The following CTCFL variants were observed in gnomAD, a reference collection of about 807,000 sequenced individuals.
The protein encoded by CTCFL is CCCTC-binding factor like, also known as transcriptional repressor CTCFL.
A neutral mutation model predicts 67.4 loss-of-function variants in CTCFL; 36 were observed. The observed-to-expected ratio is 0.53, with a 90% CI of 0.41 to 0.71. The LOEUF is 0.71. Ranked by LOEUF, CTCFL falls within the 30% of genes least tolerant of loss-of-function variation. The pLI is 0.00. For synonymous variants in CTCFL, 324 were observed against 302.3 expected, an observed-to-expected ratio of 1.07 and a Z score of -0.75; for missense variants, 786 against 835.2, an observed-to-expected ratio of 0.94 and a Z score of 0.73.
chr20:57,512,623 T>C lies in CTCFL; in HGVS notation c.1460A>G (p.Lys487Arg), dbSNP rs775533145. Reference sequence around the variant, plus strand: ...GCAGGCATAACTGCAGTGTTTGCACTTGAACCTCTTCTCATTCTTATGAGT... The same window carrying C: ...GCAGGCATAACTGCAGTGTTTGCACCTGAACCTCTTCTCATTCTTATGAGT... ...QKTHKNEKRF[K>R]CKHCSYACKQ... is the part of the protein sequence containing the mutation. Residue 487 changes from lysine (K) to arginine (R), a missense_variant, in exon 8 of 11, where the codon AAG (lysine) becomes AGG (arginine). By Grantham distance (26) the Lys-to-Arg change is conservative. This residue lies in a region of CTCFL where 254 missense variants were observed against 333.9 expected (regional missense o/e 0.76). Transcript: ENST00000243914. 6.2e-7 allele frequency: 1 copy of C among 1,614,246 alleles called. No individual in the cohort carries two copies. Among genetic ancestry groups the C allele is most frequent in the Non-Finnish European group, 8.5e-7 (1 of 1,180,042 alleles).
chr20:57,523,187 CTTCT>C lies in CTCFL; in HGVS notation c.631_634del (p.Arg211ValfsTer65). ...TGAAACTGTGAGAACAATTTCGTCACTTCTTTCATCTCCTGACATTGTTTCCACA... is the reference window on the plus strand; with the variant it reads ...TGAAACTGTGAGAACAATTTCGTCACTTCATCTCCTGACATTGTTTCCACA... On this transcript the variant is annotated frameshift_variant, in exon 3 of 11. Coordinates refer to ENST00000243914, the MANE Select transcript of CTCFL (RefSeq NM_001386993.1). LOFTEE classifies it high-confidence loss of function. 6.2e-7 allele frequency: 1 copy of C among 1,614,056 alleles called. No homozygotes were observed. The highest frequency in any genetic ancestry group is 8.5e-7 in the Non-Finnish European group (1 of 1,180,004).
rs144773408 is a variant in CTCFL at position 57,521,282 on chromosome 20, C to T, written c.754+1786G>A. On this transcript the variant is annotated intron_variant, in intron 3 of 10. Coordinates refer to ENST00000243914, the MANE Select transcript of CTCFL (RefSeq NM_001386993.1). ...ATAGCCATTTTTTCCAAAGAAGATACGTAAGTGACCAATGAAAACATGAGG... is the reference window on the plus strand; with the variant it reads ...ATAGCCATTTTTTCCAAAGAAGATATGTAAGTGACCAATGAAAACATGAGG... Among the ~76,000 whole-genome samples, 447 of 152,256 alleles carry T rather than the reference C, an allele frequency of 2.9e-3. 2 individuals carry two copies. Among genetic ancestry groups the T allele is most frequent in the African/African-American group, 0.01 (419 of 41,532 alleles).
At chr20:57,501,100 T>A (rs1036939750) in intron 10 of CTCFL, among the ~76,000 whole-genome samples, 1 of 152,310 alleles carries the variant, frequency 6.6e-6, no homozygotes. Context: ...GTGCTTACTA[T>A]TCACTCGTTT....
At chr20:57,508,126 G>A (rs1190576562) in intron 9 of CTCFL, among the ~76,000 whole-genome samples, 1 of 151,772 alleles carries the variant, frequency 6.6e-6, no homozygotes, top group Non-Finnish European at 1.5e-5. Flanking sequence ...TGGAGGGATG[G>A]GGGTCTCCCT....
chr20:57,524,727 G>C, intron 1 of CTCFL: 1 of 997,722 alleles, frequency 1.0e-6, no homozygotes, highest in Non-Finnish European at 1.2e-6. Flanking sequence ...TTCCCCTCGT[G>C]CACGGTTCTA....
intron 7 of CTCFL, 55 bp downstream of exon 7, chr20:57,514,537 C>T (rs1216467115): frequency 1.3e-5 from 21 of 1,594,410 alleles, no homozygotes; most frequent in African/African-American, 4.0e-5. Context: ...TATAGGACCA[C>T]GCTCCAAAGA....
chr20:57,500,368 C>A, intron 10 of CTCFL: 1 of 285,676 alleles, frequency 3.5e-6, no homozygotes. Flanking sequence ...ATGAGAATCA[C>A]TTGAACCCAG....
intron 9 of CTCFL, among the ~76,000 whole-genome samples, chr20:57,503,918 C>T (rs1295406743): frequency 6.7e-6 from 1 of 149,712 alleles, no homozygotes; most frequent in African/African-American, 2.5e-5. Flanking sequence ...GCACTCCAGC[C>T]TGAGTGACAG....
chr20:57,516,840 CGTT>C (rs2068956899), intron 5 of CTCFL, among the ~76,000 whole-genome samples: 1 of 152,248 alleles, frequency 6.6e-6, no homozygotes, highest in African/African-American at 2.4e-5. Flanking sequence ...CTGCCTGACT[CGTT>C]GATTGCCTTC....
chr20:57,514,790 C>T lies in CTCFL; in HGVS notation c.1181-49G>A, dbSNP rs2068796093. The T allele has an allele frequency of 2.6e-6, 4 of 1,565,180 alleles. No homozygotes were observed. The East Asian group carries it at 9.0e-5, about 35-fold the overall frequency. On this transcript the variant is annotated intron_variant, in intron 6 of 10. Coordinates refer to ENST00000243914, the MANE Select transcript of CTCFL (RefSeq NM_001386993.1). ...TTCCCCCTCCAGGCCTGATCCTTGC[C>T]AAAGGCCACCTGTGCTGAAAGTGTT...
chr20:57,515,420 C>T (rs1428468638), intron 6 of CTCFL: 4 of 356,148 alleles, frequency 1.1e-5, no homozygotes, highest in Non-Finnish European at 2.1e-5. Context: ...GCTGGGATTA[C>T]AGGTTTGAGC....
chr20:57,521,745 C>T (rs760247097), intron 3 of CTCFL, among the ~76,000 whole-genome samples: 3 of 152,176 alleles, frequency 2.0e-5, no homozygotes, highest in African/African-American at 4.8e-5. Flanking sequence ...CCATTAAAAA[C>T]GAATGAAGCG....
chr20:57,498,786 C>A, intron 10 of CTCFL, 85 bp from the exon 11 acceptor site: 1 of 1,284,282 alleles, frequency 7.8e-7, no homozygotes. Flanking sequence ...TTTTGGAAAC[C>A]ATCACTTAAA....
At position 57,508,743 on chromosome 20, in the gene CTCFL, G is replaced by A. The variant is rs983095777; in HGVS notation, c.1537C>T (p.Pro513Ser). Residue 513 changes from proline (P) to serine (S), a missense_variant, in exon 9 of 11, where the codon CCA (proline) becomes TCA (serine). By Grantham distance (74) the Pro-to-Ser change is moderately conservative. Coordinates refer to ENST00000243914, the MANE Select transcript of CTCFL (RefSeq NM_001386993.1). ...AHIRTHTGEKPFTCLSCNKCF... is the reference protein window; with the variant it reads ...AHIRTHTGEKSFTCLSCNKCF... ...TTATTGCAAGAAAGGCAGGTGAATG[G>A]TTTCTCTCCAGTGTGGGTACGAATG... 3 of 1,614,204 alleles carry A rather than the reference G, an allele frequency of 1.9e-6. No homozygotes were observed. Among genetic ancestry groups the A allele is most frequent in the Non-Finnish European group, 8.5e-7 (1 of 1,180,036 alleles).
chr20:57,512,040 T>C (rs1461983316), intron 8 of CTCFL, among the ~76,000 whole-genome samples: 1 of 152,228 alleles, frequency 6.6e-6, no homozygotes, highest in Non-Finnish European at 1.5e-5. Flanking sequence ...CCCCAGGTGC[T>C]TTTCCTCCAA....
At chr20:57,512,509 ATCT>A (rs2068629226) in intron 8 of CTCFL, 80 bp downstream of exon 8, 2 of 1,354,810 alleles carry the variant, frequency 1.5e-6, no homozygotes, top group Non-Finnish European at 2.1e-6. Flanking sequence ...TTTTCTCAGT[ATCT>A]TCAAGGTGGT....
Position 57,523,292 on chromosome 20 carries a change from A to G in CTCFL, c.544-14T>C, listed in dbSNP as rs764315616. 20 of 1,599,954 alleles carry G rather than the reference A, an allele frequency of 1.3e-5. No homozygotes were observed. The East Asian group carries it at 3.1e-4, about 25-fold the overall frequency. ...CTCTTCCTCGAGCTAATAAACAACA[A>G]ATATTCAAATATGATACTATTGATT... On this transcript the variant is annotated splice_polypyrimidine_tract_variant and intron_variant, in intron 2 of 10. Coordinates refer to ENST00000243914, the MANE Select transcript of CTCFL (RefSeq NM_001386993.1).
intron 5 of CTCFL, among the ~76,000 whole-genome samples, chr20:57,518,194 G>C (rs1397564941): frequency 1.3e-5 from 2 of 152,218 alleles, no homozygotes; most frequent in East Asian, 3.8e-4. Flanking sequence ...GTACTGACTA[G>C]TAAAAGCAGT....
Position 57,497,925 on chromosome 20 carries a change from G to T in CTCFL, c.*625C>A. 1.1e-6 allele frequency: 1 copy of T among 950,812 alleles called. No homozygotes were observed. Among genetic ancestry groups the T allele is most frequent in the Non-Finnish European group, 1.3e-6 (1 of 798,632 alleles). 58.9% of individuals were successfully genotyped at this position (950,812 alleles called of 1,614,324 possible). On this transcript the variant is annotated 3_prime_UTR_variant, in exon 11 of 11. Coordinates refer to ENST00000243914, the MANE Select transcript of CTCFL (RefSeq NM_001386993.1). ...ATTCCTTATTTTCTAGTCTAATCTA[G>T]TATTTCATTTCCTACTCAGTTTTCC...
Sources: allele counts gnomAD v4.1 joint callset (sites outside exome capture counted in the v4.1 genomes callset), GRCh38; gene constraint gnomAD v4.1.1; regional missense constraint gnomAD v4.1.1; transcripts MANE v1.5; gene names NCBI Gene and HGNC (gene_info 2026-07-23, HGNC 2026-07-21).